The following PHF3 variants were observed in gnomAD, a reference collection of about 807,000 sequenced individuals.
The protein encoded by PHF3 is PHD finger protein 3.
PHF3 carries 41 observed loss-of-function variants against 178.4 expected under a neutral mutation model. That is an observed-to-expected ratio of 0.23 (90% confidence interval 0.18 to 0.30). The LOEUF (loss-of-function observed/expected upper bound fraction) is 0.30, where lower values mean the gene tolerates loss of function less well. Ranked by LOEUF, PHF3 falls within the 10% of genes least tolerant of loss-of-function variation. The pLI, the probability that PHF3 is intolerant of heterozygous loss-of-function variation, is 1.00. For synonymous variants in PHF3, 842 were observed against 800.5 expected (o/e 1.05, Z -0.88); for missense variants, 2,346 against 2,398.1 (o/e 0.98, Z 0.45).
At chr6:63,643,885 T>G (rs887428500) in intron 1 of PHF3, among the ~76,000 whole-genome samples, 5 of 152,226 alleles carry the variant, frequency 3.3e-5, no homozygotes, top group Admixed American at 1.3e-4. Context: ...TTAGGATGGT[T>G]TCACTAATAG....
chr6:63,675,328 T>C (rs893856844), intron 2 of PHF3, among the ~76,000 whole-genome samples: 7 of 152,240 alleles, frequency 4.6e-5, no homozygotes, highest in African/African-American at 1.7e-4. Context: ...ATGTGATGAT[T>C]ATGCTGGCAG....
Position 63,685,054 on chromosome 6 carries a change from T to C in PHF3, c.1332T>C (p.Pro444=), listed in dbSNP as rs145882970. ...NILENAICDV[P]DQNSKQLNAI... is the part of the protein sequence containing the mutation. ...TGGAAAATGCTATTTGTGATGTGCC[T>C]GACCAAAATTCAAAACAGTTGAATG... Residue 444 remains proline (P), a synonymous_variant, in exon 4 of 16, where the codon CCT becomes CCC. Coordinates refer to ENST00000262043, the MANE Select transcript of PHF3 (RefSeq NM_001370348.2). 24 of 1,614,094 alleles carry C rather than the reference T, an allele frequency of 1.5e-5. No homozygotes were observed. In the Admixed American group the frequency reaches 1.7e-4, roughly 11 times the overall value.
At position 63,717,598 on chromosome 6, in the gene PHF3, G is replaced by A. The variant is rs1453994723; in HGVS notation, c.*3890G>A. 5.3e-5 allele frequency among the ~76,000 whole-genome samples: 8 copies of A among 152,032 alleles called. No individual in the cohort carries two copies. The East Asian group carries it at 1.5e-3, about 29-fold the overall frequency. The stretch of plus-strand genomic sequence containing the variant: ...AGCAAGAAGTCCTTTGAAAACTTGA[G>A]TTCACCATGTCAAGTTTCATCTTAT... On this transcript the variant is annotated 3_prime_UTR_variant, in exon 16 of 16. Coordinates refer to ENST00000262043, the MANE Select transcript of PHF3 (RefSeq NM_001370348.2).
At chr6:63,690,961 A>C (rs1766972578) in intron 4 of PHF3, among the ~76,000 whole-genome samples, 1 of 152,166 alleles carries the variant, frequency 6.6e-6, no homozygotes, top group Non-Finnish European at 1.5e-5. Flanking sequence ...CAGTGATGGG[A>C]AAACTTTTAT....
Position 63,714,561 on chromosome 6 carries a change from T to C in PHF3, c.*853T>C, listed in dbSNP as rs1286700626. 1 of 152,580 alleles carries C rather than the reference T, an allele frequency of 6.6e-6. No individual in the cohort carries two copies. 9.5% of individuals were successfully genotyped at this position (152,580 alleles called of 1,614,324 possible). On this transcript the variant is annotated 3_prime_UTR_variant, in exon 16 of 16. Transcript: ENST00000262043. ...TTACTCAGCCAAGAACATATAGAAATAGCTATCTATGTCAGGCATTAGATG... is the reference window on the plus strand; with the variant it reads ...TTACTCAGCCAAGAACATATAGAAACAGCTATCTATGTCAGGCATTAGATG...
At chr6:63,646,501 A>C in intron 1 of PHF3, 26 bp from the exon 2 acceptor site, 2 of 1,500,168 alleles carry the variant, frequency 1.3e-6, no homozygotes, top group Non-Finnish European at 1.8e-6. Context: ...TTTATTTCTT[A>C]TGGTATTTTT....
rs746847002 is a variant in PHF3 at position 63,706,895 on chromosome 6, C to T, written c.3711+19C>T. Reference sequence around the variant, plus strand: ...GACAGAGGTACTGTGAACTTTTCTGCTTTTCTGTGCATGAATTGATAATGT... The same window carrying T: ...GACAGAGGTACTGTGAACTTTTCTGTTTTTCTGTGCATGAATTGATAATGT... On this transcript the variant is annotated intron_variant, in intron 13 of 15. Transcript: ENST00000262043. The T allele has an allele frequency of 1.1e-5, 17 of 1,608,840 alleles. No homozygotes were observed. Among genetic ancestry groups the T allele is most frequent in the Non-Finnish European group, 1.4e-5 (16 of 1,176,834 alleles).
In PHF3 at chr6:63,713,508, T is replaced by C. The variant is rs1768063669; in HGVS notation, c.5920T>C (p.Leu1974=). ...EGHKDKERAR[L]SHGDRGTDGK... ...GCACAAAGATAAAGAGAGGGCACGG[T>C]TATCACATGGTGATCGAGGAACAGA... The change falls in exon 16 of 16, where the codon TTA becomes CTA. Residue 1974 remains leucine (L), a synonymous_variant. Coordinates refer to ENST00000262043, the MANE Select transcript of PHF3 (RefSeq NM_001370348.2). The C allele has an allele frequency of 1.2e-6, 2 of 1,613,750 alleles. No individual in the cohort carries two copies. Among genetic ancestry groups the C allele is most frequent in the East Asian group, 2.2e-5 (1 of 44,800 alleles).
intron 8 of PHF3, among the ~76,000 whole-genome samples, chr6:63,699,422 A>T (rs1391644046): frequency 6.6e-6 from 1 of 152,196 alleles, no homozygotes; most frequent in Non-Finnish European, 1.5e-5. Context: ...ATAAATTTGT[A>T]TAAGGATATT....
chr6:63,690,421 T>C (rs992382403), intron 4 of PHF3, among the ~76,000 whole-genome samples: 4 of 152,292 alleles, frequency 2.6e-5, no homozygotes, highest in East Asian at 3.9e-4. Context: ...AGTGCTGTTA[T>C]TGAGGAATGA....
At position 63,717,352 on chromosome 6, in the gene PHF3, T is replaced by C. The variant is rs2149619706; in HGVS notation, c.*3644T>C. On this transcript the variant is annotated 3_prime_UTR_variant, in exon 16 of 16. Transcript: ENST00000262043. ...ACATTTGGATATACTAGTTGTACTA[T>C]GCTTATCTCAGATCCCTGTAACACT... Among the ~76,000 whole-genome samples, 1 of 152,216 alleles carries C rather than the reference T, an allele frequency of 6.6e-6. No individual in the cohort carries two copies. The highest frequency in any genetic ancestry group is 2.4e-5 in the African/African-American group (1 of 41,554).
intron 1 of PHF3, among the ~76,000 whole-genome samples, chr6:63,639,801 C>T (rs974580782): frequency 1.3e-5 from 2 of 152,150 alleles, no homozygotes; most frequent in Non-Finnish European, 2.9e-5. Context: ...GCCAATTACA[C>T]GTTAGCTTGG....
chr6:63,689,371 G>C (rs1766893788), intron 4 of PHF3, among the ~76,000 whole-genome samples: 1 of 152,050 alleles, frequency 6.6e-6, no homozygotes, highest in African/African-American at 2.4e-5. Flanking sequence ...TAGTATATCA[G>C]ATAATATTTA....
intron 4 of PHF3, among the ~76,000 whole-genome samples, chr6:63,690,227 A>T (rs189737530): frequency 6.6e-6 from 1 of 152,184 alleles, no homozygotes; most frequent in East Asian, 1.9e-4. Context: ...GTCAACCCCA[A>T]ATATTCTATA....
rs1170631418 is a variant in PHF3 at position 63,724,733 on chromosome 6, T to C, written c.*11025T>C. Among the ~76,000 whole-genome samples the C allele has an allele frequency of 3.3e-5, 5 of 152,146 alleles. No homozygotes were observed. Among genetic ancestry groups the C allele is most frequent in the African/African-American group, 4.8e-5 (2 of 41,444 alleles). On this transcript the variant is annotated 3_prime_UTR_variant, in exon 16 of 16. Coordinates refer to ENST00000262043, the MANE Select transcript of PHF3 (RefSeq NM_001370348.2). ...TTTTAAATTTTACACTACTTGAGAG[T>C]ACTCAAATTATTAACCTCTAAAGAG...
At chr6:63,664,323 G>A (rs1430035471) in intron 2 of PHF3, among the ~76,000 whole-genome samples, 1 of 152,190 alleles carries the variant, frequency 6.6e-6, no homozygotes, top group Non-Finnish European at 1.5e-5. Flanking sequence ...CCAGTTCTCT[G>A]TTCATAGAGC....
chr6:63,690,667 C>T (rs960722374), intron 4 of PHF3, among the ~76,000 whole-genome samples: 1 of 152,068 alleles, frequency 6.6e-6, no homozygotes. Flanking sequence ...AAAGTACATA[C>T]CTAAATCCTT....
At chr6:63,636,438 A>G (rs1043484974) in intron 1 of PHF3, 10 of 152,060 alleles carry the variant, frequency 6.6e-5, no homozygotes, top group African/African-American at 2.2e-4. Context: ...CTCTCTCCCG[A>G]CCACTGGTAC....
In PHF3 at chr6:63,725,285, A is replaced by T. The variant is rs1376077794; in HGVS notation, c.*11577A>T. On this transcript the variant is annotated 3_prime_UTR_variant, in exon 16 of 16. Coordinates refer to ENST00000262043, the MANE Select transcript of PHF3 (RefSeq NM_001370348.2). ...TAAGAAGATGTGCTCTTGCCCTCCT[A>T]TGTGTATTAGTGTGTATGAGCTTTA... 6.6e-6 allele frequency among the ~76,000 whole-genome samples: 1 copy of T among 152,060 alleles called. No homozygotes were observed. Among genetic ancestry groups the T allele is most frequent in the Non-Finnish European group, 1.5e-5 (1 of 67,960 alleles).
Sources: gnomAD v4.1 joint callset for allele counts (sites outside exome capture counted in the v4.1 genomes callset) on GRCh38, gnomAD v4.1.1 for gene constraint, MANE v1.5 for transcripts, NCBI Gene and HGNC (gene_info 2026-07-23, HGNC 2026-07-21) for gene names.